RPGRIP1L: variants seen among roughly 807,000 people sequenced by gnomAD.
RPGRIP1L encodes RPGRIP1 like, also known as protein fantom.
RPGRIP1L carries 131 observed loss-of-function variants against 160.4 expected under a neutral mutation model. That is an observed-to-expected ratio of 0.82 (90% CI 0.71 to 0.94). RPGRIP1L has a LOEUF of 0.94. RPGRIP1L is among the 40% of genes least tolerant of loss of function. The probability of loss-of-function intolerance (pLI) is 0.00; values close to 1 mark genes in which losing one functional copy is unlikely to be tolerated. For missense variants in RPGRIP1L, 1,522 were observed against 1,535.8 expected (o/e 0.99, Z 0.15); for synonymous variants, 510 against 515.8 (o/e 0.99, Z 0.15).
Position 53,641,211 on chromosome 16 carries a change from G to A in RPGRIP1L, c.2874+74C>T. The stretch of plus-strand genomic sequence containing the variant: ...TTATTATTATTTTTTTTTGGTGGGG[G>A]TGGCAGCTTAGTTCTTAAGCTTTAT... On this transcript the variant is annotated intron_variant, in intron 18 of 26. Coordinates refer to ENST00000647211, the MANE Select transcript of RPGRIP1L (RefSeq NM_015272.5). 2.0e-6 allele frequency: 3 copies of A among 1,499,750 alleles called. No homozygotes were observed. The African/African-American group carries it at 4.2e-5, about 21-fold the overall frequency. 92.9% of individuals were successfully genotyped at this position (1,499,750 alleles called of 1,614,324 possible).
chr16:53,619,989 A>C (rs534841098), intron 23 of RPGRIP1L, among the ~76,000 whole-genome samples: 1 of 152,302 alleles, frequency 6.6e-6, no homozygotes, highest in South Asian at 2.1e-4. Context: ...ATTATATCAC[A>C]CCAAGGTAAC....
chr16:53,624,082 G>A (rs1434250543), intron 22 of RPGRIP1L, among the ~76,000 whole-genome samples: 1 of 152,042 alleles, frequency 6.6e-6, no homozygotes, highest in East Asian at 1.9e-4. Flanking sequence ...TGTAGAGACG[G>A]GGTTTCACTA....
At chr16:53,660,416 A>G (rs56056441) in intron 10 of RPGRIP1L, among the ~76,000 whole-genome samples, 5 of 143,076 alleles carry the variant, frequency 3.5e-5, no homozygotes, top group African/African-American at 1.2e-4. Flanking sequence ...AAACAAAAAT[A>G]TGTTTCTGAC....
intron 22 of RPGRIP1L, among the ~76,000 whole-genome samples, chr16:53,626,338 A>G: frequency 6.6e-6 from 1 of 152,120 alleles, no homozygotes; most frequent in East Asian, 1.9e-4. Context: ...GCATCCTTTG[A>G]TACAGGAAAT....
intron 9 of RPGRIP1L, among the ~76,000 whole-genome samples, chr16:53,669,966 T>G (rs1437602403): frequency 6.6e-6 from 1 of 152,160 alleles, no homozygotes; most frequent in African/African-American, 2.4e-5. Flanking sequence ...GAATCCCAAT[T>G]TCCTCATTTA....
At chr16:53,650,619 A>G (rs1966845412) in intron 15 of RPGRIP1L, among the ~76,000 whole-genome samples, 1 of 152,164 alleles carries the variant, frequency 6.6e-6, no homozygotes, top group Non-Finnish European at 1.5e-5. Context: ...GCCTTTGGTG[A>G]GGGGACCCAG....
chr16:53,703,027 GCGAGGCCGAGA>G (rs1971594831), intron 1 of RPGRIP1L, among the ~76,000 whole-genome samples: 1 of 152,208 alleles, frequency 6.6e-6, no homozygotes, highest in Admixed American at 6.5e-5. Flanking sequence ...CCAGCACTTT[GCGAGGCCGAGA>G]CGGGCGGCTG....
intron 12 of RPGRIP1L, among the ~76,000 whole-genome samples, chr16:53,658,131 T>C (rs1967430830): frequency 6.6e-6 from 1 of 152,176 alleles, no homozygotes; most frequent in African/African-American, 2.4e-5. Flanking sequence ...ACGTTTGTTA[T>C]AATTAAAGAA....
Position 53,601,084 on chromosome 16 carries a change from T to C in RPGRIP1L, c.*992A>G, listed in dbSNP as rs1039024060. 1 of 152,608 alleles carries C rather than the reference T, an allele frequency of 6.6e-6. No individual in the cohort carries two copies. Among genetic ancestry groups the C allele is most frequent in the Non-Finnish European group, 1.5e-5 (1 of 68,026 alleles). The allele number at this position is 152,608 out of a possible 1,614,324, so 9.5% of individuals were successfully genotyped here. Reference sequence around the variant, plus strand: ...TTTGCAGCATTGATTCACAGCTCCATTAAAAATATCAATTAAATCCTTCAG... The same window carrying C: ...TTTGCAGCATTGATTCACAGCTCCACTAAAAATATCAATTAAATCCTTCAG... On this transcript the variant is annotated 3_prime_UTR_variant, in exon 27 of 27. Coordinates refer to ENST00000647211, the MANE Select transcript of RPGRIP1L (RefSeq NM_015272.5).
intron 17 of RPGRIP1L, among the ~76,000 whole-genome samples, chr16:53,644,166 G>A (rs1428987234): frequency 6.6e-6 from 1 of 152,078 alleles, no homozygotes; most frequent in South Asian, 2.1e-4. Flanking sequence ...CCTAATTCTG[G>A]AGTTGAAAAG....
At chr16:53,661,644 T>C (rs768594031) in intron 10 of RPGRIP1L, among the ~76,000 whole-genome samples, 25 of 152,188 alleles carry the variant, frequency 1.6e-4, no homozygotes, top group Non-Finnish European at 3.2e-4. Context: ...GTTCCATCTT[T>C]ATCCAGACAC....
At chr16:53,680,846 A>C (rs1034732669) in intron 6 of RPGRIP1L, among the ~76,000 whole-genome samples, 8 of 151,960 alleles carry the variant, frequency 5.3e-5, no homozygotes, top group African/African-American at 1.9e-4. Context: ...AGGGAGGGAG[A>C]AGGAGAAATA....
At chr16:53,641,571 A>C in intron 17 of RPGRIP1L, 96 bp from the exon 18 acceptor site, 16 of 1,099,326 alleles carry the variant, frequency 1.5e-5, no homozygotes, top group Non-Finnish European at 1.8e-5. Flanking sequence ...TAAGAGACTC[A>C]TGCTCTACCA....
chr16:53,647,848 G>A (rs141870990), intron 16 of RPGRIP1L, among the ~76,000 whole-genome samples: 2,995 of 152,256 alleles, frequency 0.02, 98 homozygotes, highest in African/African-American at 0.067. Context: ...GCTCATGCCT[G>A]TAATCCCAGT....
rs752266252 is a variant in RPGRIP1L, at chr16:53,619,202, C to A, written c.3439G>T (p.Glu1147Ter). Residue 1147 changes from glutamate to a stop codon, truncating the protein, a stop_gained, in exon 24 of 27, where the codon GAA (glutamate) becomes TAA (stop). Transcript: ENST00000647211. LOFTEE classifies it high-confidence loss of function. ...GCTATGATCTCAATCCGAATTTTTTCTGATGGCTGTTTAAAGAGCAAAAAC... is the reference window on the plus strand; with the variant it reads ...GCTATGATCTCAATCCGAATTTTTTATGATGGCTGTTTAAAGAGCAAAAAC... The part of the protein sequence containing the change: ...TGACHHTQPS[E>*]KIRIEIIALS... The A allele has an allele frequency of 1.9e-6, 3 of 1,612,984 alleles. No homozygotes were observed. In the African/African-American group the frequency reaches 4.0e-5, roughly 22 times the overall value.
At position 53,687,841 on chromosome 16, in the gene RPGRIP1L, TACCACAAAAAAGA is replaced by T. The variant is rs2151325015; in HGVS notation, c.632+9_632+21del. ...TTATCAATAACCAAAGTTCTCAAAT[TACCACAAAAAAGA>T]ACACATACAAATTTCTTATTTCTCC... On this transcript the variant is annotated intron_variant, in intron 5 of 26. Coordinates refer to ENST00000647211, the MANE Select transcript of RPGRIP1L (RefSeq NM_015272.5). 1 of 1,427,462 alleles carries T rather than the reference TACCACAAAAAAGA, an allele frequency of 7.0e-7. No individual in the cohort carries two copies. Among genetic ancestry groups the T allele is most frequent in the Non-Finnish European group, 9.9e-7 (1 of 1,010,784 alleles). 88.4% of individuals were successfully genotyped at this position (1,427,462 alleles called of 1,614,324 possible).
Position 53,598,472 on chromosome 16 carries a change from G to C in RPGRIP1L, c.*3604C>G, listed in dbSNP as rs910926440. 2.6e-5 allele frequency: 4 copies of C among 152,196 alleles called. No homozygotes were observed. Among genetic ancestry groups the C allele is most frequent in the African/African-American group, 7.2e-5 (3 of 41,446 alleles). 9.4% of individuals were successfully genotyped at this position (152,196 alleles called of 1,614,324 possible). On this transcript the variant is annotated 3_prime_UTR_variant, in exon 27 of 27. Coordinates refer to ENST00000647211, the MANE Select transcript of RPGRIP1L (RefSeq NM_015272.5). ...CAATTTTCCAGGCGGTCAGGCTGGAGGGTGCAGTCCACTGGTGGCACTTTG... is the reference window on the plus strand; with the variant it reads ...CAATTTTCCAGGCGGTCAGGCTGGACGGTGCAGTCCACTGGTGGCACTTTG...
chr16:53,703,706 C>G (rs753260727), intron 1 of RPGRIP1L, 97 bp downstream of exon 1: 2 of 249,880 alleles, frequency 8.0e-6, no homozygotes, highest in Non-Finnish European at 1.6e-5. Flanking sequence ...CTTCTCCAGG[C>G]GGCAGAGCGG....
At chr16:53,633,402 T>C (rs187372230) in intron 22 of RPGRIP1L, among the ~76,000 whole-genome samples, 1 of 152,324 alleles carries the variant, frequency 6.6e-6, no homozygotes, top group Admixed American at 6.5e-5. Context: ...GAAGAATATG[T>C]TACAATGTAA....
Sources: allele counts gnomAD v4.1 joint callset (sites outside exome capture counted in the v4.1 genomes callset), GRCh38; gene constraint gnomAD v4.1.1; transcripts MANE v1.5; gene names NCBI Gene and HGNC (gene_info 2026-07-23, HGNC 2026-07-21).